The following GFI1B variants were observed in gnomAD, a reference collection of about 807,000 sequenced individuals.
The protein encoded by GFI1B is zinc finger protein Gfi-1b.
In GFI1B, 20 loss-of-function variants were observed where a neutral mutation model predicts 35.3. That is an observed-to-expected ratio of 0.57 (90% CI 0.40 to 0.82). The LOEUF (loss-of-function observed/expected upper bound fraction) is 0.82, where lower values mean the gene tolerates loss of function less well. Among genes scored for constraint, GFI1B ranks in the 40% least tolerant of loss-of-function variants. GFI1B has a pLI of 0.00. For missense variants in GFI1B, 430 were observed against 446.3 expected (o/e 0.96, Z 0.33); for synonymous variants, 178 against 177.6 (o/e 1.00, Z -0.02).
chr9:132,955,365 C>G (rs1383282229), intron 1 of GFI1B, among the ~76,000 whole-genome samples: 1 of 152,170 alleles, frequency 6.6e-6, no homozygotes, highest in Non-Finnish European at 1.5e-5. Flanking sequence ...TAGTAGCTCA[C>G]TGCAACCTCA....
In GFI1B at chr9:132,989,720, G is replaced by A. The variant is rs777066878; in HGVS notation, c.649-22G>A. On this transcript the variant is annotated intron_variant, in intron 5 of 6. Transcript: ENST00000372122. This position sits in a 1 kb window ranked among gnomAD's most constrained non-coding sequence, Gnocchi z 6.2. ...GTCCTGAGCCTGCACCTGACCCCCC[G>A]GGGCCTCATTTCCTCCGGCAGGAGC... 5.1e-5 allele frequency: 82 copies of A among 1,609,392 alleles called. No homozygotes were observed. The highest frequency in any genetic ancestry group is 5.1e-5 in the Non-Finnish European group (60 of 1,176,580).
intron 2 of GFI1B, among the ~76,000 whole-genome samples, chr9:132,973,590 C>T (rs1848571912): frequency 6.6e-6 from 1 of 152,126 alleles, no homozygotes; most frequent in Admixed American, 6.6e-5. Context: ...ACAGATGACT[C>T]CCTGGATTGT....
Position 132,989,099 on chromosome 9 carries a change from A to C in GFI1B, c.549A>C (p.Arg183=). 1.2e-6 allele frequency: 2 copies of C among 1,613,920 alleles called. No homozygotes were observed. The highest frequency in any genetic ancestry group is 1.1e-5 in the South Asian group (1 of 91,078). Reference sequence around the variant, plus strand: ...CTCACGGGCTCGAAGTGCATGTGCGACGCTCCCATAGTGGGACCCGGCCCT... The same window carrying C: ...CTCACGGGCTCGAAGTGCATGTGCGCCGCTCCCATAGTGGGACCCGGCCCT... ...STPHGLEVHV[R]RSHSGTRPFA... Residue 183 remains arginine, a synonymous_variant, in exon 5 of 7, where the codon CGA becomes CGC. Coordinates refer to ENST00000372122, the MANE Select transcript of GFI1B (RefSeq NM_001377304.1). This position sits in a 1 kb window ranked among gnomAD's most constrained non-coding sequence, Gnocchi z 6.2.
chr9:132,958,946 C>T (rs1245700646), intron 1 of GFI1B, among the ~76,000 whole-genome samples: 7 of 152,156 alleles, frequency 4.6e-5, no homozygotes, highest in African/African-American at 9.7e-5. Flanking sequence ...GTGGGTGAGC[C>T]GGGCCCTCTG....
intron 3 of GFI1B, among the ~76,000 whole-genome samples, chr9:132,987,662 G>T (rs911237670): frequency 6.6e-6 from 1 of 152,180 alleles, no homozygotes; most frequent in Non-Finnish European, 1.5e-5. Context: ...AGGGAGTGAG[G>T]TGGGCACTGT....
chr9:132,981,172 CA>C (rs1320112346), intron 1 of GFI1B, among the ~76,000 whole-genome samples: 2 of 152,226 alleles, frequency 1.3e-5, no homozygotes, highest in Non-Finnish European at 2.9e-5. Context: ...GCTGGGATTA[CA>C]GGTGTGAGCC....
chr9:132,960,891 G>A (rs1242984426), intron 1 of GFI1B, among the ~76,000 whole-genome samples: 3 of 151,808 alleles, frequency 2.0e-5, no homozygotes, highest in Non-Finnish European at 1.5e-5. Flanking sequence ...CACACCCCCA[G>A]CAATAAATTG....
intron 1 of GFI1B, among the ~76,000 whole-genome samples, chr9:132,950,550 C>T (rs561652747): frequency 6.4e-5 from 7 of 109,546 alleles, no homozygotes; most frequent in African/African-American, 2.2e-4. Context: ...TAATCCCAAT[C>T]CCACTTTTTT....
At position 132,961,170 on chromosome 9, in the gene GFI1B, G is replaced by A. The variant is rs372119328; in HGVS notation, c.-700-11555G>A. 1.6e-3 allele frequency among the ~76,000 whole-genome samples: 237 copies of A among 152,240 alleles called. 1 individual carries two copies. Among genetic ancestry groups the A allele is most frequent in the African/African-American group, 4.7e-3 (197 of 41,548 alleles). On this transcript the variant is annotated intron_variant, in intron 1 of 10. Coordinates refer to the GFI1B transcript ENST00000339463. ...TGAATTCTGTGTAATCAGGAGTGAAGAAAACCTTTCTAAAAATGGCTGAAC... is the reference window on the plus strand; with the variant it reads ...TGAATTCTGTGTAATCAGGAGTGAAAAAAACCTTTCTAAAAATGGCTGAAC...
intron 1 of GFI1B, among the ~76,000 whole-genome samples, chr9:132,985,343 G>C (rs537401527): frequency 2.1e-4 from 32 of 152,312 alleles, no homozygotes; most frequent in African/African-American, 7.2e-4. Context: ...TCCCTTGACT[G>C]ATGTGGTCCT....
At chr9:132,948,691 C>G (rs1848156980) in intron 1 of GFI1B, among the ~76,000 whole-genome samples, 1 of 152,254 alleles carries the variant, frequency 6.6e-6, no homozygotes, top group Non-Finnish European at 1.5e-5. Flanking sequence ...CCCTCTGCAG[C>G]CCCGGCCTCT....
At chr9:132,977,004 C>G (rs1048539054), upstream of GFI1B, among the ~76,000 whole-genome samples, 4 of 152,202 alleles carry the variant, frequency 2.6e-5, no homozygotes, top group African/African-American at 9.6e-5. Context: ...GTTGCCCAGG[C>G]TGAAGTGCAA....
At chr9:132,962,514 T>A (rs535072748) in intron 1 of GFI1B, 1 of 508,814 alleles carries the variant, frequency 2.0e-6, no homozygotes, top group African/African-American at 2.0e-5. Flanking sequence ...TCTCGCCATG[T>A]CTTCTCACAA....
rs180892735 is a variant in GFI1B at position 132,953,970 on chromosome 9, A to G, written c.-701+8301A>G. ...ATAAATAAATAAAATAAAATAAACT[A>G]TACACTTCTATTTCCTGCCCCCTGT... On this transcript the variant is annotated intron_variant, in intron 1 of 10. Coordinates refer to the GFI1B transcript ENST00000339463. 3.7e-3 allele frequency among the ~76,000 whole-genome samples: 569 copies of G among 152,144 alleles called. 4 individuals carry two copies. Among genetic ancestry groups the G allele is most frequent in the African/African-American group, 0.013 (539 of 41,520 alleles).
chr9:132,950,825 G>A (rs191088182), intron 1 of GFI1B, among the ~76,000 whole-genome samples: 108 of 147,036 alleles, frequency 7.3e-4, no homozygotes, highest in African/African-American at 2.5e-3. Context: ...GGGGTTTTTT[G>A]TTGTTGTTGT....
Position 132,989,183 on chromosome 9 carries a change from G to T in GFI1B, c.633G>T (p.Thr211=), listed in dbSNP as rs759546183. 4.3e-6 allele frequency: 7 copies of T among 1,613,196 alleles called. No individual in the cohort carries two copies. Among genetic ancestry groups the T allele is most frequent in the African/African-American group, 1.3e-5 (1 of 74,894 alleles). Reference sequence around the variant, plus strand: ...ACGCTGTGAGCCTGGAGCAGCACACGCACGTCCACTCCCAGGTGGGCACCT... The same window carrying T: ...ACGCTGTGAGCCTGGAGCAGCACACTCACGTCCACTCCCAGGTGGGCACCT... The part of the protein sequence containing the change: ...FGHAVSLEQH[T]HVHSQERSFE... Residue 211 remains threonine (T), a synonymous_variant, in exon 5 of 7, where the codon ACG becomes ACT. Transcript: ENST00000372122. This position sits in a 1 kb window ranked among gnomAD's most constrained non-coding sequence, Gnocchi z 6.2.
downstream of GFI1B, chr9:132,991,705 A>T (rs75294851): frequency 0.035 from 5,414 of 156,746 alleles, 133 homozygotes; most frequent in Non-Finnish European, 0.056. Flanking sequence ...CCATGTGACC[A>T]GCATTTATTA....
chr9:132,985,637 A>C (rs550795797), intron 1 of GFI1B, among the ~76,000 whole-genome samples: 155 of 152,256 alleles, frequency 1.0e-3, no homozygotes, highest in African/African-American at 3.6e-3. Context: ...TGGATTGGCA[A>C]TGTCCCCTCG....
In GFI1B at chr9:132,986,752, C is replaced by A. The variant is rs764276098; in HGVS notation, c.74C>A (p.Pro25Gln). The A allele has an allele frequency of 6.2e-7, 1 of 1,612,148 alleles. No homozygotes were observed. The highest frequency in any genetic ancestry group is 8.5e-7 in the Non-Finnish European group (1 of 1,178,970). The change falls in exon 2 of 7, where the codon CCG becomes CAG. Residue 25 changes from proline (P) to glutamine (Q), a missense_variant. Physicochemically the swap from Pro to Gln is moderately conservative, Grantham distance 76 (BLOSUM62 -1). Coordinates refer to ENST00000372122, the MANE Select transcript of GFI1B (RefSeq NM_001377304.1). ...CAGCCCCGTGTGCAGGAAGATGAACCGCTCTGGCCTCCTGCCCTTACCCCG... is the reference window on the plus strand; with the variant it reads ...CAGCCCCGTGTGCAGGAAGATGAACAGCTCTGGCCTCCTGCCCTTACCCCG... Reference protein sequence around the residue: ...YHQPRVQEDEPLWPPALTPVP... With the variant: ...YHQPRVQEDEQLWPPALTPVP...
Sources: allele counts gnomAD v4.1 joint callset (sites outside exome capture counted in the v4.1 genomes callset), GRCh38; gene constraint gnomAD v4.1.1; non-coding constraint Gnocchi (gnomAD v3.1); transcripts MANE v1.5; gene names NCBI Gene and HGNC (gene_info 2026-07-23, HGNC 2026-07-21).